TMC6: variants seen among roughly 807,000 people sequenced by gnomAD.
TMC6 encodes the protein transmembrane channel like 6.
Under a neutral mutation model 95.4 loss-of-function variants are expected in TMC6, and 71 were observed. The ratio of observed to expected loss-of-function variants is 0.74; its 90% CI spans 0.61 to 0.91. TMC6 has a LOEUF of 0.91. Among genes scored for constraint, TMC6 ranks in the 40% least tolerant of loss-of-function variants. The probability of loss-of-function intolerance (pLI) is 0.00; values close to 1 mark genes in which losing one functional copy is unlikely to be tolerated. For synonymous variants in TMC6, 514 were observed against 483.1 expected (o/e 1.06, Z -0.84); for missense variants, 1,074 against 1,079.1 (o/e 1.00, Z 0.07).
chr17:78,126,041 A>C (rs1598874504), intron 4 of TMC6, 157 bp from the exon 5 acceptor site: 2 of 1,214,266 alleles, frequency 1.6e-6, no homozygotes, highest in East Asian at 2.6e-5. Context: ...CCGAAAGCCT[A>C]TTTTTACCCC....
Position 78,122,419 on chromosome 17 carries a change from G to T in TMC6, c.1227+186C>A. On this transcript the variant is annotated intron_variant, in intron 10 of 19. Coordinates refer to ENST00000590602, the MANE Select transcript of TMC6 (RefSeq NM_001127198.5). This position sits in a 1 kb window ranked among gnomAD's most constrained non-coding sequence, Gnocchi z 4.9. Reference sequence around the variant, plus strand: ...GCCCCTAACTGATGGGTGTGTGCCAGAGAAAAACTCAGGGCCTGCCCGTCA... The same window carrying T: ...GCCCCTAACTGATGGGTGTGTGCCATAGAAAAACTCAGGGCCTGCCCGTCA... The T allele has an allele frequency of 1.2e-6, 1 of 858,026 alleles. No individual in the cohort carries two copies. Among genetic ancestry groups the T allele is most frequent in the Non-Finnish European group, 1.8e-6 (1 of 568,688 alleles). 53.2% of individuals were successfully genotyped at this position (858,026 alleles called of 1,614,324 possible).
In TMC6 at chr17:78,113,151, G is replaced by A. The variant is rs1426916909; in HGVS notation, c.2415C>T (p.Ala805=). 1 of 1,554,818 alleles carries A rather than the reference G, an allele frequency of 6.4e-7. No homozygotes were observed. The highest frequency in any genetic ancestry group is 8.7e-7 in the Non-Finnish European group (1 of 1,148,704). The change falls in exon 20 of 20, where the codon GCC becomes GCT. Residue 805 remains alanine, a synonymous_variant. Coordinates refer to ENST00000590602, the MANE Select transcript of TMC6 (RefSeq NM_001127198.5). ...PPALLTDEQD[A] Reference sequence around the variant, plus strand: ...CGTGAGGCCCATCGCCGTCCCCCTAGGCATCCTGTTCATCTGTGAGCAGGG... The same window carrying A: ...CGTGAGGCCCATCGCCGTCCCCCTAAGCATCCTGTTCATCTGTGAGCAGGG...
upstream of TMC6, chr17:78,131,950 T>A: frequency 6.6e-7 from 1 of 1,515,586 alleles, no homozygotes; most frequent in Non-Finnish European, 8.8e-7. Context: ...CGGCAGACGG[T>A]GGAAAGGCGC....
intron 4 of TMC6, 24 bp from the exon 5 acceptor site, chr17:78,125,908 C>G: frequency 1.3e-6 from 2 of 1,550,006 alleles, no homozygotes; most frequent in South Asian, 1.2e-5. Context: ...TGGGCAGGGC[C>G]GGGCCGGGCA....
At chr17:78,132,115 ACCTG>A (rs1459394690), upstream of TMC6, 2 of 1,522,342 alleles carry the variant, frequency 1.3e-6, no homozygotes, top group Non-Finnish European at 1.8e-6. Context: ...GCATCATCCC[ACCTG>A]CCTTCACCCG....
chr17:78,124,653 G>C lies in TMC6; in HGVS notation c.762C>G (p.Thr254=). ...GCAGGAGGGCATTGAAAGCCAGCAG[G>C]GTCTTGAGAAAGAGGAAGTAGGAGA... ...SVLSYFLFLK[T]LLAFNALLLL... The change falls in exon 8 of 20, where the codon ACC becomes ACG. Residue 254 remains threonine (T), a synonymous_variant. Transcript: ENST00000590602. 6.2e-6 allele frequency: 10 copies of C among 1,611,698 alleles called. No homozygotes were observed. Among genetic ancestry groups the C allele is most frequent in the East Asian group, 2.2e-5 (1 of 44,836 alleles).
At chr17:78,124,220 C>G (rs764219684) in intron 8 of TMC6, 41 bp from the exon 9 acceptor site, 49 of 1,606,742 alleles carry the variant, frequency 3.0e-5, no homozygotes, top group Non-Finnish European at 4.1e-5. Context: ...ACTTTCCCCA[C>G]GCCCCACCCG....
chr17:78,114,497 C>A (rs2073955290), intron 18 of TMC6, among the ~76,000 whole-genome samples: 1 of 152,084 alleles, frequency 6.6e-6, no homozygotes, highest in Non-Finnish European at 1.5e-5. Context: ...TGACCCAGGG[C>A]TCTTTCGACA....
At chr17:78,126,470 GC>G in intron 3 of TMC6, 53 bp downstream of exon 3, 1 of 1,610,428 alleles carries the variant, frequency 6.2e-7, no homozygotes, top group Non-Finnish European at 8.5e-7. Context: ...GTCCTGAGGG[GC>G]TGGGGCACCC....
rs1182247373 is a variant in TMC6, at chr17:78,125,716, A to C, written c.430+10T>G. On this transcript the variant is annotated intron_variant, in intron 5 of 19. Transcript: ENST00000590602. ...GTCCGCCACTGGGGCTCCAGTGCCCACTCACTCACCCTCCTCCTCCAGGGC... is the reference window on the plus strand; with the variant it reads ...GTCCGCCACTGGGGCTCCAGTGCCCCCTCACTCACCCTCCTCCTCCAGGGC... 1 of 1,561,760 alleles carries C rather than the reference A, an allele frequency of 6.4e-7. No homozygotes were observed. Among genetic ancestry groups the C allele is most frequent in the Admixed American group, 1.9e-5 (1 of 53,116 alleles).
intron 18 of TMC6, among the ~76,000 whole-genome samples, chr17:78,116,431 C>G (rs2074119423): frequency 6.6e-6 from 1 of 152,184 alleles, no homozygotes; most frequent in East Asian, 1.9e-4. Context: ...CACCACCACA[C>G]CCAGCTAACT....
chr17:78,107,464 G>A lies in TMC6; in HGVS notation c.*5684C>T, dbSNP rs2073721276. 1 of 152,172 alleles carries A rather than the reference G, an allele frequency of 6.6e-6. No homozygotes were observed. The allele number at this position is 152,172 out of a possible 1,614,324, so 9.4% of individuals were successfully genotyped here. On this transcript the variant is annotated 3_prime_UTR_variant, in exon 20 of 20. Coordinates refer to ENST00000590602, the MANE Select transcript of TMC6 (RefSeq NM_001127198.5). ...GCAATTTTTTTCTTGGCTGTTCAAA[G>A]TAATGTGTTTTTCATTTTTCAAAAG... is the stretch of plus-strand genomic sequence containing the variant.
intron 18 of TMC6, among the ~76,000 whole-genome samples, chr17:78,115,893 C>T (rs1200174257): frequency 2.7e-5 from 4 of 145,664 alleles, no homozygotes; most frequent in East Asian, 2.0e-4. Flanking sequence ...GGCACAGGGG[C>T]GAAGGGAGTG....
Position 78,121,299 on chromosome 17 carries a change from A to T in TMC6, c.1384-135T>A. On this transcript the variant is annotated intron_variant, in intron 11 of 19. Coordinates refer to ENST00000590602, the MANE Select transcript of TMC6 (RefSeq NM_001127198.5). This position sits in a 1 kb window ranked among gnomAD's most constrained non-coding sequence, Gnocchi z 5.6. The stretch of plus-strand genomic sequence containing the variant: ...AAGATCTGGCCCTCCCCAGGCCTCA[A>T]GTTCAAACCACACAGGAAGCAGGGA... The T allele has an allele frequency of 7.0e-7, 1 of 1,431,958 alleles. No homozygotes were observed. Among genetic ancestry groups the T allele is most frequent in the South Asian group, 1.2e-5 (1 of 80,304 alleles). The allele number at this position is 1,431,958 out of a possible 1,614,324, so 88.7% of individuals were successfully genotyped here.
intron 9 of TMC6, chr17:78,123,050 G>A (rs1000911338): frequency 9.0e-5 from 46 of 510,530 alleles, no homozygotes; most frequent in African/African-American, 8.5e-4. Context: ...TCACCTCAGG[G>A]CCTTTGCACT....
At chr17:78,125,107 T>G (rs1188066243) in intron 6 of TMC6, 51 bp downstream of exon 6, 1 of 1,546,284 alleles carries the variant, frequency 6.5e-7, no homozygotes, top group Non-Finnish European at 8.7e-7. Flanking sequence ...GCTGAGGAAG[T>G]GGGTCTGGGG....
rs1346439243 is a variant in TMC6, at chr17:78,109,149, A to G, written c.*3999T>C. On this transcript the variant is annotated 3_prime_UTR_variant, in exon 20 of 20. Coordinates refer to ENST00000590602, the MANE Select transcript of TMC6 (RefSeq NM_001127198.5). Reference sequence around the variant, plus strand: ...TTGTTGCTGCTATTTTGGCAACATCACGGCAGAACGGTAAAGGCAGAAAGC... The same window carrying G: ...TTGTTGCTGCTATTTTGGCAACATCGCGGCAGAACGGTAAAGGCAGAAAGC... The G allele has an allele frequency of 3.5e-6, 1 of 287,026 alleles. No homozygotes were observed. The highest frequency in any genetic ancestry group is 4.9e-5 in the Admixed American group (1 of 20,604). 17.8% of individuals were successfully genotyped at this position (287,026 alleles called of 1,614,324 possible).
chr17:78,123,381 G>A (rs3794737), intron 9 of TMC6, among the ~76,000 whole-genome samples: 5,016 of 152,130 alleles, frequency 0.033, 226 homozygotes, highest in East Asian at 0.12. Flanking sequence ...GTGGGTGGAT[G>A]GGTGGATGGA....
Position 78,111,785 on chromosome 17 carries a change from A to C in TMC6, c.*1363T>G, listed in dbSNP as rs1251785539. On this transcript the variant is annotated 3_prime_UTR_variant, in exon 20 of 20. Coordinates refer to ENST00000590602, the MANE Select transcript of TMC6 (RefSeq NM_001127198.5). ...CCTTTTCTGGGCCCATCGCTCTTTG[A>C]CCATTTCCCCACCTGGGTTCATTCC... 1 of 200,370 alleles carries C rather than the reference A, an allele frequency of 5.0e-6. No individual in the cohort carries two copies. Among genetic ancestry groups the C allele is most frequent in the Non-Finnish European group, 1.0e-5 (1 of 96,418 alleles). 12.4% of individuals were successfully genotyped at this position (200,370 alleles called of 1,614,324 possible).
Sources: gnomAD v4.1 joint callset for allele counts (sites outside exome capture counted in the v4.1 genomes callset) on GRCh38, gnomAD v4.1.1 for gene constraint, Gnocchi (gnomAD v3.1) non-coding constraint, MANE v1.5 for transcripts, NCBI Gene and HGNC (gene_info 2026-07-23, HGNC 2026-07-21) for gene names.